Variants in EML6 observed in about 807,000 individuals in gnomAD.
EML6 encodes echinoderm microtubule-associated protein-like 6.
EML6 carries 154 observed loss-of-function variants against 240.1 expected under a neutral mutation model. The observed-to-expected ratio is 0.64, with a 90% CI of 0.56 to 0.73. The LOEUF is 0.73. Ranked by LOEUF, EML6 falls within the 30% of genes least tolerant of loss-of-function variation. The pLI is 0.00. For missense variants in EML6, 2,964 were observed against 2,474.6 expected (o/e 1.20, Z -4.20); for synonymous variants, 1,148 against 899.0 (o/e 1.28, Z -4.95).
At chr2:54,897,062 TTCTAATTTAA>T in intron 21 of EML6, among the ~76,000 whole-genome samples, 1 of 152,344 alleles carries the variant, frequency 6.6e-6, no homozygotes, top group Non-Finnish European at 1.5e-5. Flanking sequence ...TGGCCATAAC[TTCTAATTTAA>T]TTTTACTGAA....
chr2:54,953,278 A>G (rs1676071011), intron 31 of EML6, among the ~76,000 whole-genome samples: 1 of 152,130 alleles, frequency 6.6e-6, no homozygotes, highest in Non-Finnish European at 1.5e-5. Context: ...CCTCATTGCC[A>G]TTGCTCACCC....
Position 54,970,114 on chromosome 2 carries a change from T to G in EML6, c.*19T>G, listed in dbSNP as rs1274674711. The stretch of plus-strand genomic sequence containing the variant: ...TCTGTAAAATGCCAGAAGCCTCTTA[T>G]GTTATTGCTGCTGCTGCTACCAGCC... On this transcript the variant is annotated 3_prime_UTR_variant, in exon 42 of 42. Transcript: ENST00000356458. 1.3e-6 allele frequency: 2 copies of G among 1,551,456 alleles called. No individual in the cohort carries two copies. Among genetic ancestry groups the G allele is most frequent in the African/African-American group, 1.4e-5 (1 of 73,056 alleles).
At chr2:54,897,317 C>G (rs1361133556) in intron 21 of EML6, among the ~76,000 whole-genome samples, 1 of 152,112 alleles carries the variant, frequency 6.6e-6, no homozygotes, top group Non-Finnish European at 1.5e-5. Context: ...CTATTCTTTC[C>G]TATGTTTGTT....
intron 7 of EML6, among the ~76,000 whole-genome samples, chr2:54,839,563 T>G (rs1662707673): frequency 6.6e-6 from 1 of 152,248 alleles, no homozygotes; most frequent in Non-Finnish European, 1.5e-5. Context: ...CTTCTCTTGT[T>G]CTCTTCCCTT....
At chr2:54,765,240 T>G (rs1380108847) in intron 2 of EML6, among the ~76,000 whole-genome samples, 1 of 152,188 alleles carries the variant, frequency 6.6e-6, no homozygotes, top group African/African-American at 2.4e-5. Context: ...AGAAATTACT[T>G]ACAAGGGTAT....
intron 2 of EML6, among the ~76,000 whole-genome samples, chr2:54,808,012 C>A (rs1176389074): frequency 1.3e-5 from 2 of 152,180 alleles, no homozygotes; most frequent in Non-Finnish European, 2.9e-5. Context: ...ACTCATCAAG[C>A]TTGTTAAAGT....
chr2:54,935,737 G>A (rs114446735), intron 28 of EML6, among the ~76,000 whole-genome samples: 311 of 152,272 alleles, frequency 2.0e-3, no homozygotes, highest in African/African-American at 7.1e-3. Flanking sequence ...AAGGCCAGGC[G>A]TAGTAGCTCA....
chr2:54,927,884 T>C (rs1285229402), intron 26 of EML6, among the ~76,000 whole-genome samples: 1 of 152,368 alleles, frequency 6.6e-6, no homozygotes, highest in East Asian at 1.9e-4. Context: ...CCTTTGCTCT[T>C]CTGCCACTGC....
At chr2:54,820,084 T>C (rs1427046797) in intron 4 of EML6, among the ~76,000 whole-genome samples, 1 of 152,168 alleles carries the variant, frequency 6.6e-6, no homozygotes, top group Non-Finnish European at 1.5e-5. Flanking sequence ...ATTGAAAAAT[T>C]TGATCAAAAA....
intron 28 of EML6, among the ~76,000 whole-genome samples, chr2:54,944,865 G>A (rs78583495): frequency 0.15 from 22,560 of 151,928 alleles, 2,298 homozygotes; most frequent in African/African-American, 0.28. Flanking sequence ...GAATGCACTT[G>A]ACACAGTCCA....
At position 54,910,943 on chromosome 2, in the gene EML6, T is replaced by G; in HGVS notation, c.3410-11T>G. 6.8e-7 allele frequency: 1 copy of G among 1,475,706 alleles called. No homozygotes were observed. The allele number at this position is 1,475,706 out of a possible 1,614,324, so 91.4% of individuals were successfully genotyped here. ...TTTTAATTATCTCTCTACTTCGTTC[T>G]GTCGTAACAGGAAAATTATTGCAAG... On this transcript the variant is annotated splice_polypyrimidine_tract_variant and intron_variant, in intron 24 of 41. Transcript: ENST00000356458.
chr2:54,851,048 T>G (rs1383805816), intron 10 of EML6, among the ~76,000 whole-genome samples: 2 of 152,176 alleles, frequency 1.3e-5, no homozygotes, highest in Admixed American at 1.3e-4. Flanking sequence ...GTTTTAACAA[T>G]GCATGGGAAT....
chr2:54,812,046 C>T (rs939864746), intron 2 of EML6, among the ~76,000 whole-genome samples: 1 of 152,120 alleles, frequency 6.6e-6, no homozygotes, highest in Non-Finnish European at 1.5e-5. Flanking sequence ...ATATTATATT[C>T]ACACAGGCAT....
intron 2 of EML6, among the ~76,000 whole-genome samples, chr2:54,762,566 T>C (rs931697604): frequency 1.3e-5 from 2 of 152,210 alleles, no homozygotes; most frequent in African/African-American, 4.8e-5. Flanking sequence ...AATTTGTGAC[T>C]TTTAAAAACT....
intron 21 of EML6, among the ~76,000 whole-genome samples, 178 bp from the exon 22 acceptor site, chr2:54,899,463 A>C (rs1419369872): frequency 6.6e-6 from 1 of 152,030 alleles, no homozygotes; most frequent in Non-Finnish European, 1.5e-5. Flanking sequence ...TGTAGATTCA[A>C]GTTTAAATGA....
intron 6 of EML6, among the ~76,000 whole-genome samples, chr2:54,828,639 AAAT>A (rs1416288019): frequency 6.6e-6 from 1 of 150,710 alleles, no homozygotes; most frequent in Non-Finnish European, 1.5e-5. Flanking sequence ...ACAGCTCTTA[AAAT>A]AATAGGTCAG....
chr2:54,855,037 G>A (rs1277962750), intron 11 of EML6, among the ~76,000 whole-genome samples: 2 of 152,170 alleles, frequency 1.3e-5, no homozygotes, highest in Non-Finnish European at 2.9e-5. Flanking sequence ...TACATCCCAA[G>A]TCTTTTAAGG....
intron 10 of EML6, among the ~76,000 whole-genome samples, 174 bp from the exon 11 acceptor site, chr2:54,853,469 T>G (rs1420702737): frequency 1.3e-5 from 2 of 151,056 alleles, no homozygotes; most frequent in Admixed American, 1.3e-4. Context: ...GAGTTTTGAG[T>G]GTGGGCTTTC....
intron 2 of EML6, among the ~76,000 whole-genome samples, chr2:54,811,102 C>T (rs1667820591): frequency 6.6e-6 from 1 of 152,110 alleles, no homozygotes; most frequent in Non-Finnish European, 1.5e-5. Flanking sequence ...TTTATCCCCT[C>T]TACCCATGTC....
Sources: allele counts gnomAD v4.1 joint callset (sites outside exome capture counted in the v4.1 genomes callset), GRCh38; gene constraint gnomAD v4.1.1; transcripts MANE v1.5; gene names NCBI Gene and HGNC (gene_info 2026-07-23, HGNC 2026-07-21).